Variants in HPSE2 observed in about 807,000 individuals in gnomAD.
HPSE2 encodes inactive heparanase-2.
In HPSE2, 38 loss-of-function variants were observed where a neutral mutation model predicts 60.5. The observed-to-expected ratio is 0.63, with a 90% CI of 0.48 to 0.82. The LOEUF is 0.82. HPSE2 is among the 40% of genes least tolerant of loss of function. The pLI, the probability that HPSE2 is intolerant of heterozygous loss-of-function variation, is 0.00. For synonymous variants in HPSE2, 295 were observed against 293.2 expected (o/e 1.01, Z -0.06); for missense variants, 713 against 740.4 (o/e 0.96, Z 0.43).
At chr10:99,110,151 A>G (rs1844404086) in intron 3 of HPSE2, among the ~76,000 whole-genome samples, 1 of 152,220 alleles carries the variant, frequency 6.6e-6, no homozygotes, top group Non-Finnish European at 1.5e-5. Context: ...CTATTTTAAA[A>G]GAAAAAGACA....
chr10:98,928,448 A>G lies in HPSE2; in HGVS notation c.611-184392T>C, dbSNP rs28823628. Among the ~76,000 whole-genome samples, 6 of 101,160 alleles carry G rather than the reference A, an allele frequency of 5.9e-5. 1 individual carries two copies. Among genetic ancestry groups the G allele is most frequent in the African/African-American group, 1.8e-4 (4 of 22,054 alleles). The allele number at this position is 101,160 out of a possible 152,430, so 66.4% of individuals were successfully genotyped here. A position where few individuals can be genotyped will look rare whatever the true frequency, so the allele number is the denominator to read the frequency against. On this transcript the variant is annotated intron_variant, in intron 3 of 11. Coordinates refer to ENST00000370552, the MANE Select transcript of HPSE2 (RefSeq NM_021828.5). ...CAGTGTGGCGATTCCTCAGGGATCT[A>G]GAACTAGAAATACCATTTGACCCAG...
At chr10:98,520,473 T>C (rs555773250) in intron 9 of HPSE2, among the ~76,000 whole-genome samples, 20 of 152,182 alleles carry the variant, frequency 1.3e-4, no homozygotes, top group Non-Finnish European at 2.6e-4. Context: ...GCGTAGACTA[T>C]ACTGTCTATG....
the HPSE2 span, among the ~76,000 whole-genome samples, chr10:99,280,733 C>T: frequency 6.6e-6 from 1 of 152,212 alleles, no homozygotes; most frequent in Admixed American, 6.5e-5. Context: ...TCTCACATTG[C>T]AAGCTAGGCC....
intron 2 of HPSE2, among the ~76,000 whole-genome samples, chr10:99,231,033 T>G (rs866067967): frequency 2.0e-5 from 3 of 152,186 alleles, no homozygotes; most frequent in South Asian, 4.1e-4. Flanking sequence ...ACTTTTATCT[T>G]TGAAAAGATA....
Position 98,971,049 on chromosome 10 carries a change from C to T in HPSE2, c.610+173189G>A, listed in dbSNP as rs145052542. Among the ~76,000 whole-genome samples the T allele has an allele frequency of 1.9e-3, 292 of 151,796 alleles. No individual in the cohort carries two copies. The Middle Eastern group carries it at 0.024, about 12-fold the overall frequency. Reference sequence around the variant, plus strand: ...CATTACAGAGGCTATATTTATTTCCCTGATTCAAAGCAGTTTAAAATTTGA... The same window carrying T: ...CATTACAGAGGCTATATTTATTTCCTTGATTCAAAGCAGTTTAAAATTTGA... On this transcript the variant is annotated intron_variant, in intron 3 of 11. Transcript: ENST00000370552.
intron 2 of HPSE2, among the ~76,000 whole-genome samples, chr10:99,198,447 C>T (rs1403672480): frequency 6.6e-6 from 1 of 152,088 alleles, no homozygotes; most frequent in African/African-American, 2.4e-5. Context: ...TATGATTCTC[C>T]AACGTTTTTA....
chr10:99,030,249 A>G (rs1353268237), intron 3 of HPSE2, among the ~76,000 whole-genome samples: 1 of 152,222 alleles, frequency 6.6e-6, no homozygotes, highest in Non-Finnish European at 1.5e-5. Context: ...ATATTTTATT[A>G]TACTGGAACA....
At chr10:98,697,901 A>G (rs1437327379) in intron 5 of HPSE2, among the ~76,000 whole-genome samples, 1 of 151,784 alleles carries the variant, frequency 6.6e-6, no homozygotes, top group Non-Finnish European at 1.5e-5. Flanking sequence ...GAAGGCCATT[A>G]CATAATGGTA....
intron 3 of HPSE2, among the ~76,000 whole-genome samples, chr10:98,916,453 T>C (rs1365008326): frequency 6.6e-6 from 1 of 152,226 alleles, no homozygotes; most frequent in African/African-American, 2.4e-5. Context: ...AAAACTGATA[T>C]ATGACTCTCT....
At chr10:98,816,159 C>T (rs1951284795) in intron 3 of HPSE2, among the ~76,000 whole-genome samples, 1 of 151,238 alleles carries the variant, frequency 6.6e-6, no homozygotes, top group South Asian at 2.1e-4. Context: ...GCACATGTAC[C>T]CTAAAACTTA....
intron 3 of HPSE2, among the ~76,000 whole-genome samples, chr10:98,801,112 T>C (rs1950896374): frequency 6.6e-6 from 1 of 152,278 alleles, no homozygotes; most frequent in Middle Eastern, 3.4e-3. Context: ...ACAAAAACCA[T>C]ATGATCATTT....
intron 6 of HPSE2, among the ~76,000 whole-genome samples, chr10:98,683,554 A>C (rs1947838568): frequency 6.6e-6 from 1 of 152,034 alleles, no homozygotes; most frequent in African/African-American, 2.4e-5. Context: ...TTGAGGAATA[A>C]AAAAGAGCTT....
In HPSE2 at chr10:98,623,492, A is replaced by T. The variant is rs563670260; in HGVS notation, c.1099-2784T>A. On this transcript the variant is annotated intron_variant, in intron 7 of 11. Transcript: ENST00000370552. ...ACTTTCAAAGGGTGAATTTTATGCTATGTGAATTATATCTCAGTAAATAAA... is the reference window on the plus strand; with the variant it reads ...ACTTTCAAAGGGTGAATTTTATGCTTTGTGAATTATATCTCAGTAAATAAA... Among the ~76,000 whole-genome samples the T allele has an allele frequency of 5.3e-5, 8 of 152,320 alleles. No homozygotes were observed. In the East Asian group the frequency reaches 1.5e-3, roughly 29 times the overall value.
chr10:98,760,952 T>A (rs10786469), intron 3 of HPSE2, among the ~76,000 whole-genome samples: 105,290 of 151,904 alleles, frequency 0.69, 37,619 homozygotes, highest in Non-Finnish European at 0.8. Flanking sequence ...GGTCCTGGGC[T>A]TTACTTTGTT....
intron 2 of HPSE2, among the ~76,000 whole-genome samples, chr10:99,168,279 G>A (rs962292943): frequency 2.6e-5 from 4 of 151,986 alleles, no homozygotes; most frequent in African/African-American, 9.7e-5. Flanking sequence ...TTAAAATTTG[G>A]TATAACATTT....
intron 3 of HPSE2, among the ~76,000 whole-genome samples, chr10:98,884,070 T>C (rs1431631549): frequency 6.6e-6 from 1 of 152,132 alleles, no homozygotes. Context: ...ACCTTATTAC[T>C]GATATGGAGA....
intron 9 of HPSE2, among the ~76,000 whole-genome samples, chr10:98,494,257 G>A (rs1361362352): frequency 6.6e-6 from 1 of 152,172 alleles, no homozygotes; most frequent in African/African-American, 2.4e-5. Flanking sequence ...ATAACCTGAC[G>A]CATCCACCCT....
chr10:98,670,117 C>A (rs1486642463), intron 6 of HPSE2, among the ~76,000 whole-genome samples: 2 of 152,072 alleles, frequency 1.3e-5, no homozygotes, highest in Non-Finnish European at 2.9e-5. Context: ...ACGAGGTATG[C>A]CAGAGTAGAG....
rs1219864819 is a variant in HPSE2 at position 99,049,628 on chromosome 10, GA to G, written c.610+94609del. On this transcript the variant is annotated intron_variant, in intron 3 of 11. Coordinates refer to ENST00000370552, the MANE Select transcript of HPSE2 (RefSeq NM_021828.5). ...AGACTGACATATTCAAAGTACAAGGGAAAAAAAACAACTTGTCTACCAAAGT... is the reference window on the plus strand; with the variant it reads ...AGACTGACATATTCAAAGTACAAGGGAAAAAAACAACTTGTCTACCAAAGT... Among the ~76,000 whole-genome samples, 11 of 150,636 alleles carry G rather than the reference GA, an allele frequency of 7.3e-5. No homozygotes were observed. The South Asian group carries it at 8.4e-4, about 11-fold the overall frequency.
Sources: allele counts gnomAD v4.1 joint callset (sites outside exome capture counted in the v4.1 genomes callset), GRCh38; gene constraint gnomAD v4.1.1; transcripts MANE v1.5; gene names NCBI Gene and HGNC (gene_info 2026-07-23, HGNC 2026-07-21).